Variants in GRAMD1B observed in about 807,000 individuals in gnomAD.
GRAMD1B encodes the protein GRAM domain containing 1B.
GRAMD1B carries 37 observed loss-of-function variants against 99.7 expected under a neutral mutation model. The observed-to-expected ratio is 0.37, with a 90% confidence interval of 0.29 to 0.49. The LOEUF (loss-of-function observed/expected upper bound fraction) is 0.49. Ranked by LOEUF, GRAMD1B falls within the 20% of genes least tolerant of loss-of-function variation. GRAMD1B has a pLI of 0.98. For synonymous variants in GRAMD1B, 427 were observed against 387.6 expected (o/e 1.10, Z -1.19); for missense variants, 888 against 1,009.2 (o/e 0.88, Z 1.63).
rs11405902 is a variant in GRAMD1B, at chr11:123,530,199, A to ATTT, written c.453-47157_453-47155dup. On this transcript the variant is annotated intron_variant, in intron 2 of 19. Coordinates refer to ENST00000635736, the MANE Select transcript of GRAMD1B (RefSeq NM_001387025.1). ...TCTTCACAGGTAGCTGGGAGGGTCC[A>ATTT]TTTTTTTTTTTTTCTACTTCTCCAT... Among the ~76,000 whole-genome samples the ATTT allele has an allele frequency of 4.8e-4, 70 of 145,796 alleles. 1 individual carries two copies. Among genetic ancestry groups the ATTT allele is most frequent in the African/African-American group, 1.5e-3 (60 of 39,764 alleles).
chr11:123,560,425 C>A, intron 2 of GRAMD1B: 2 of 1,187,196 alleles, frequency 1.7e-6, no homozygotes, highest in Non-Finnish European at 2.1e-6. Flanking sequence ...TAAAATGCTA[C>A]AGCGGTGTGA....
intron 2 of GRAMD1B, among the ~76,000 whole-genome samples, chr11:123,550,709 C>G (rs1432336424): frequency 6.6e-6 from 1 of 152,102 alleles, no homozygotes; most frequent in Non-Finnish European, 1.5e-5. Context: ...GACCTTAATC[C>G]AGGATTAAGA....
At chr11:123,403,452 ATAATAATAAT>A (rs1028341414) in intron 1 of GRAMD1B, among the ~76,000 whole-genome samples, 3 of 49,490 alleles carry the variant, frequency 6.1e-5, no homozygotes, top group African/African-American at 3.0e-4. Context: ...GATGATGATA[ATAATAATAAT>A]AATAATAATA....
chr11:123,391,251 C>T (rs150858605), intron 1 of GRAMD1B, among the ~76,000 whole-genome samples: 102 of 152,106 alleles, frequency 6.7e-4, no homozygotes, highest in Non-Finnish European at 1.3e-3. Context: ...AGAGCTCTTG[C>T]AACTTCTTTA....
chr11:123,580,656 T>C (rs1047738062), intron 3 of GRAMD1B, among the ~76,000 whole-genome samples: 1 of 152,206 alleles, frequency 6.6e-6, no homozygotes, highest in African/African-American at 2.4e-5. Flanking sequence ...CCGACCCTCC[T>C]AGGTGCAGTC....
intron 2 of GRAMD1B, among the ~76,000 whole-genome samples, chr11:123,495,861 T>C (rs962838932): frequency 3.9e-5 from 6 of 152,280 alleles, no homozygotes; most frequent in Non-Finnish European, 7.3e-5. Flanking sequence ...AACTCTACAC[T>C]TTAATTTTGC....
chr11:123,475,986 G>A (rs980136776), intron 1 of GRAMD1B, among the ~76,000 whole-genome samples: 2 of 152,212 alleles, frequency 1.3e-5, no homozygotes, highest in African/African-American at 2.4e-5. Context: ...TATAAGAGAA[G>A]AATTGAAAGG....
intron 2 of GRAMD1B, among the ~76,000 whole-genome samples, chr11:123,542,728 T>C (rs556250922): frequency 2.6e-5 from 4 of 152,268 alleles, no homozygotes; most frequent in African/African-American, 7.2e-5. Flanking sequence ...TCTTGGCTCA[T>C]TGCAACCTCC....
intron 2 of GRAMD1B, chr11:123,560,723 T>C (rs1946666655): frequency 1.1e-5 from 5 of 452,838 alleles, no homozygotes; most frequent in Non-Finnish European, 2.2e-5. Context: ...TGTGTGTGTG[T>C]GTGTGTGTGT....
chr11:123,583,830 G>A (rs111468034), intron 3 of GRAMD1B, among the ~76,000 whole-genome samples: 5 of 152,130 alleles, frequency 3.3e-5, no homozygotes, highest in African/African-American at 9.7e-5. Context: ...TTACTCACCC[G>A]CCTGCTGAGA....
intron 1 of GRAMD1B, among the ~76,000 whole-genome samples, chr11:123,478,759 C>CT (rs1951432354): frequency 6.6e-6 from 1 of 152,158 alleles, no homozygotes; most frequent in Non-Finnish European, 1.5e-5. Context: ...CAAGTTTGAC[C>CT]CCTGCTTTGA....
chr11:123,498,815 G>A (rs1415703364), intron 2 of GRAMD1B, among the ~76,000 whole-genome samples: 1 of 152,190 alleles, frequency 6.6e-6, no homozygotes, highest in African/African-American at 2.4e-5. Context: ...GAGTGCTATG[G>A]ACTGGGAAAG....
chr11:123,527,835 T>G (rs976370621), intron 2 of GRAMD1B, among the ~76,000 whole-genome samples: 2 of 152,214 alleles, frequency 1.3e-5, no homozygotes, highest in Non-Finnish European at 2.9e-5. Flanking sequence ...GACATCACTT[T>G]AACAGAATGC....
chr11:123,432,112 A>G, intron 1 of GRAMD1B: 1 of 398,638 alleles, frequency 2.5e-6, no homozygotes, highest in South Asian at 1.3e-4. Context: ...GTTCAATTAC[A>G]TTGATTTCAA....
intron 7 of GRAMD1B, chr11:123,598,685 G>A (rs1417121133): frequency 2.9e-6 from 3 of 1,031,022 alleles, no homozygotes; most frequent in Non-Finnish European, 4.6e-6. Context: ...AACCCAGAGA[G>A]GCCAACTCCT....
At chr11:123,453,591 A>G (rs1167334901) in intron 1 of GRAMD1B, among the ~76,000 whole-genome samples, 1 of 152,178 alleles carries the variant, frequency 6.6e-6, no homozygotes, top group Non-Finnish European at 1.5e-5. Context: ...TGCTGGGATT[A>G]CAGACATGAG....
chr11:123,578,587 T>C (rs1247673193), intron 3 of GRAMD1B, among the ~76,000 whole-genome samples: 2 of 152,130 alleles, frequency 1.3e-5, no homozygotes, highest in Non-Finnish European at 2.9e-5. Flanking sequence ...CCCGGCAGGC[T>C]GGCTTGGAAG....
At position 123,509,345 on chromosome 11, in the gene GRAMD1B, AG is replaced by A. The variant is rs1267690126; in HGVS notation, c.452+28456del. ...AACAGAAGATAGGTTAGCATGTTTCAGGGGCTGCTATAGGGGAGCTGTTGGG... is the reference window on the plus strand; with the variant it reads ...AACAGAAGATAGGTTAGCATGTTTCAGGGCTGCTATAGGGGAGCTGTTGGG... On this transcript the variant is annotated intron_variant, in intron 2 of 19. Transcript: ENST00000635736. Among the ~76,000 whole-genome samples the A allele has an allele frequency of 2.6e-5, 4 of 152,220 alleles. No homozygotes were observed. The East Asian group carries it at 7.7e-4, about 29-fold the overall frequency.
intron 2 of GRAMD1B, among the ~76,000 whole-genome samples, chr11:123,484,234 G>T (rs977944553): frequency 2.0e-5 from 3 of 152,248 alleles, no homozygotes; most frequent in African/African-American, 7.2e-5. Context: ...ATGATTGACA[G>T]TTCCTCAACT....
Sources: gnomAD v4.1 joint callset for allele counts (sites outside exome capture counted in the v4.1 genomes callset) on GRCh38, gnomAD v4.1.1 for gene constraint, MANE v1.5 for transcripts, NCBI Gene and HGNC (gene_info 2026-07-23, HGNC 2026-07-21) for gene names.